Variants in DLG2 observed in about 807,000 individuals in gnomAD.
DLG2 encodes disks large homolog 2.
A neutral mutation model predicts 132.5 loss-of-function variants in DLG2; 45 were observed. The ratio of observed to expected loss-of-function variants is 0.34; its 90% CI spans 0.27 to 0.44. The LOEUF (loss-of-function observed/expected upper bound fraction) is 0.44. Among genes scored for constraint, DLG2 ranks in the 20% least tolerant of loss-of-function variants. The pLI is 1.00. For synonymous variants in DLG2, 424 were observed against 419.6 expected, an observed-to-expected ratio of 1.01 and a Z score of -0.13; for missense variants, 1,045 against 1,196.9, an observed-to-expected ratio of 0.87 and a Z score of 1.87.
intron 3 of DLG2, among the ~76,000 whole-genome samples, chr11:85,533,978 G>A (rs1419245216): frequency 5.9e-5 from 9 of 152,032 alleles, no homozygotes; most frequent in Admixed American, 5.9e-4. Context: ...TTGCTCTCTG[G>A]TTTTTTGTTT....
intron 6 of DLG2, among the ~76,000 whole-genome samples, chr11:85,074,253 T>A (rs996428348): frequency 6.6e-6 from 1 of 151,852 alleles, no homozygotes; most frequent in Non-Finnish European, 1.5e-5. Flanking sequence ...ATAATTTTTT[T>A]AAGGTAGAAT....
intron 7 of DLG2, among the ~76,000 whole-genome samples, chr11:84,408,337 TTATATA>T (rs34156590): frequency 1.3e-5 from 2 of 148,314 alleles, no homozygotes; most frequent in African/African-American, 2.5e-5. Context: ...CTTGCACATG[TTATATA>T]TATATATATA....
chr11:85,198,817 C>T (rs1466080169), intron 4 of DLG2, among the ~76,000 whole-genome samples: 3 of 152,132 alleles, frequency 2.0e-5, no homozygotes, highest in African/African-American at 7.2e-5. Context: ...AAGTCACTTG[C>T]CACACTTAAA....
At chr11:85,220,637 A>AAAAATATATATATAT (rs371263007) in intron 4 of DLG2, among the ~76,000 whole-genome samples, 6 of 148,262 alleles carry the variant, frequency 4.0e-5, no homozygotes, top group African/African-American at 1.5e-4. Flanking sequence ...TAGAAAAAAA[A>AAAAATATATATATAT]ATATATATAT....
chr11:84,615,383 G>C (rs1203990608), intron 6 of DLG2, among the ~76,000 whole-genome samples: 1 of 151,998 alleles, frequency 6.6e-6, no homozygotes, highest in African/African-American at 2.4e-5. Flanking sequence ...ACTAATTACT[G>C]CTCTTGGTCA....
intron 8 of DLG2, among the ~76,000 whole-genome samples, chr11:84,176,499 G>GT (rs201488783): frequency 0.045 from 6,752 of 151,592 alleles, 202 homozygotes; most frequent in Non-Finnish European, 0.073. Context: ...GACTTACCCT[G>GT]TTTTTTCTCT....
chr11:83,927,953 T>G (rs1317707776), intron 15 of DLG2, among the ~76,000 whole-genome samples: 1 of 151,996 alleles, frequency 6.6e-6, no homozygotes, highest in African/African-American at 2.4e-5. Flanking sequence ...AACAATGCGG[T>G]AGATGTGTGT....
intron 6 of DLG2, among the ~76,000 whole-genome samples, chr11:84,582,828 T>C (rs1451675339): frequency 6.6e-6 from 1 of 152,172 alleles, no homozygotes. Flanking sequence ...TGAATGAGAA[T>C]GGCAGAAAGT....
intron 4 of DLG2, among the ~76,000 whole-genome samples, chr11:85,154,950 G>C (rs756182199): frequency 6.6e-6 from 1 of 152,206 alleles, no homozygotes; most frequent in Non-Finnish European, 1.5e-5. Context: ...GCTGAGCATG[G>C]TTAATGGGAA....
chr11:83,715,382 C>T (rs2086454728), intron 18 of DLG2, among the ~76,000 whole-genome samples: 1 of 152,172 alleles, frequency 6.6e-6, no homozygotes, highest in Admixed American at 6.6e-5. Flanking sequence ...AAAGTACCAG[C>T]ATTCTCAAAC....
intron 7 of DLG2, among the ~76,000 whole-genome samples, chr11:84,399,094 T>C (rs1381744498): frequency 6.6e-6 from 1 of 152,190 alleles, no homozygotes; most frequent in Non-Finnish European, 1.5e-5. Context: ...GTGTCTTTCA[T>C]GAGGTACACA....
intron 6 of DLG2, among the ~76,000 whole-genome samples, chr11:85,017,014 A>C (rs1461642875): frequency 6.6e-6 from 1 of 152,196 alleles, no homozygotes; most frequent in Non-Finnish European, 1.5e-5. Context: ...AGCCATGCCC[A>C]TTTGTTTATA....
intron 3 of DLG2, among the ~76,000 whole-genome samples, chr11:85,338,716 T>G (rs2082288392): frequency 1.4e-5 from 2 of 147,398 alleles, no homozygotes; most frequent in Non-Finnish European, 3.0e-5. Context: ...TTTTTTTTTT[T>G]TTTTTTTGAG....
chr11:84,435,874 C>G (rs2098999083), intron 7 of DLG2, among the ~76,000 whole-genome samples: 1 of 152,102 alleles, frequency 6.6e-6, no homozygotes, highest in Non-Finnish European at 1.5e-5. Flanking sequence ...TCTTTGCATA[C>G]TAATTTGGCA....
At chr11:83,947,235 T>C (rs981899537) in intron 14 of DLG2, among the ~76,000 whole-genome samples, 3 of 94,216 alleles carry the variant, frequency 3.2e-5, no homozygotes, top group South Asian at 6.8e-4. Context: ...CTCAACATTC[T>C]AGATTTTTTT....
At chr11:85,289,756 T>C (rs1214616662) in intron 3 of DLG2, among the ~76,000 whole-genome samples, 1 of 152,180 alleles carries the variant, frequency 6.6e-6, no homozygotes, top group Non-Finnish European at 1.5e-5. Flanking sequence ...GAACACTTGG[T>C]TCTGCTTAGG....
intron 6 of DLG2, among the ~76,000 whole-genome samples, chr11:85,068,228 T>C (rs962350066): frequency 6.6e-6 from 1 of 152,098 alleles, no homozygotes; most frequent in African/African-American, 2.4e-5. Context: ...GCATTCCCTT[T>C]GAAAACTGGC....
chr11:85,102,467 G>A (rs2071033196), intron 6 of DLG2, among the ~76,000 whole-genome samples: 1 of 151,982 alleles, frequency 6.6e-6, no homozygotes, highest in East Asian at 1.9e-4. Context: ...GGTAGATTAT[G>A]CTCTCAGGAA....
intron 3 of DLG2, among the ~76,000 whole-genome samples, chr11:85,356,469 A>T (rs1423992518): frequency 6.6e-6 from 1 of 152,144 alleles, no homozygotes; most frequent in African/African-American, 2.4e-5. Flanking sequence ...AGAAATATTT[A>T]TGGAATTATT....
Sources: allele counts gnomAD v4.1 joint callset (sites outside exome capture counted in the v4.1 genomes callset), GRCh38; gene constraint gnomAD v4.1.1; transcripts MANE v1.5; gene names NCBI Gene and HGNC (gene_info 2026-07-23, HGNC 2026-07-21).